NKAIN3: variants seen among roughly 807,000 people sequenced by gnomAD.
NKAIN3 encodes sodium/potassium-transporting ATPase subunit beta-1-interacting protein 3.
A neutral mutation model predicts 30.2 loss-of-function variants in NKAIN3; 25 were observed. That is an observed-to-expected ratio of 0.83 (90% confidence interval 0.60 to 1.16). The LOEUF (loss-of-function observed/expected upper bound fraction) is 1.16, where lower values mean the gene tolerates loss of function less well. NKAIN3 is among the 50% of genes most tolerant of loss of function. NKAIN3 has a pLI of 0.00. For missense variants in NKAIN3, 225 were observed against 254.1 expected, an observed-to-expected ratio of 0.89 and a Z score of 0.78; for synonymous variants, 91 against 89.6, an observed-to-expected ratio of 1.02 and a Z score of -0.09.
At chr8:62,606,103 CGA>C (rs1811118057) in intron 3 of NKAIN3, among the ~76,000 whole-genome samples, 1 of 152,020 alleles carries the variant, frequency 6.6e-6, no homozygotes, top group Non-Finnish European at 1.5e-5. Flanking sequence ...AAATGTGCGT[CGA>C]TCCACCATCT....
intron 1 of NKAIN3, among the ~76,000 whole-genome samples, chr8:62,500,936 G>T (rs1807430322): frequency 6.6e-6 from 1 of 152,102 alleles, no homozygotes; most frequent in Admixed American, 6.6e-5. Context: ...CATCATAACG[G>T]GGATTGCTAG....
chr8:62,398,109 A>T (rs910478202), intron 1 of NKAIN3, among the ~76,000 whole-genome samples: 17 of 152,104 alleles, frequency 1.1e-4, no homozygotes, highest in African/African-American at 3.4e-4. Context: ...GGCTGAGGAG[A>T]TGAACGAGGA....
intron 3 of NKAIN3, among the ~76,000 whole-genome samples, chr8:62,735,576 G>A (rs945505388): frequency 3.3e-5 from 5 of 151,704 alleles, no homozygotes; most frequent in African/African-American, 1.2e-4. Context: ...TCTTTAAGTT[G>A]GCATTCACCT....
intron 4 of NKAIN3, among the ~76,000 whole-genome samples, chr8:62,903,910 G>A (rs1321289711): frequency 6.6e-6 from 1 of 152,068 alleles, no homozygotes; most frequent in Non-Finnish European, 1.5e-5. Context: ...GAATGGCATG[G>A]GGGAAACCAC....
At chr8:62,900,944 G>A (rs1821596075) in intron 4 of NKAIN3, among the ~76,000 whole-genome samples, 1 of 152,104 alleles carries the variant, frequency 6.6e-6, no homozygotes, top group Non-Finnish European at 1.5e-5. Context: ...TCAGAGCAAC[G>A]CTGTTGGCAA....
intron 4 of NKAIN3, among the ~76,000 whole-genome samples, chr8:62,879,249 T>G (rs899260662): frequency 2.6e-4 from 40 of 152,116 alleles, no homozygotes; most frequent in Non-Finnish European, 2.9e-5. Flanking sequence ...GATTTGCATT[T>G]CTTTGATGGC....
chr8:62,895,304 A>G (rs955016383), intron 4 of NKAIN3, among the ~76,000 whole-genome samples: 42 of 152,332 alleles, frequency 2.8e-4, no homozygotes, highest in African/African-American at 9.6e-4. Context: ...TTCCTCTAAA[A>G]GATAGGCTCT....
chr8:62,753,852 A>G (rs1816363802), intron 4 of NKAIN3, among the ~76,000 whole-genome samples: 1 of 152,132 alleles, frequency 6.6e-6, no homozygotes, highest in Non-Finnish European at 1.5e-5. Flanking sequence ...AAATCTGGAT[A>G]TGTATAAATA....
At chr8:62,786,905 T>C (rs992308945) in intron 4 of NKAIN3, among the ~76,000 whole-genome samples, 2 of 152,132 alleles carry the variant, frequency 1.3e-5, no homozygotes, top group African/African-American at 4.8e-5. Context: ...ATTGTAAGCA[T>C]ATGTTTCAGT....
At chr8:62,502,092 C>G (rs929832361) in intron 1 of NKAIN3, among the ~76,000 whole-genome samples, 1 of 152,086 alleles carries the variant, frequency 6.6e-6, no homozygotes, top group South Asian at 2.1e-4. Flanking sequence ...ATGACTCATC[C>G]CTTGCACTGT....
intron 1 of NKAIN3, among the ~76,000 whole-genome samples, chr8:62,269,873 A>G (rs1314162255): frequency 6.6e-6 from 1 of 152,188 alleles, no homozygotes; most frequent in Non-Finnish European, 1.5e-5. Context: ...TTTTATAGGA[A>G]GCCATAAAAA....
At chr8:62,356,916 C>T (rs1246475436) in intron 1 of NKAIN3, among the ~76,000 whole-genome samples, 4 of 151,974 alleles carry the variant, frequency 2.6e-5, no homozygotes, top group Non-Finnish European at 5.9e-5. Context: ...AGTTCGAGAC[C>T]AGCCTAGGCA....
intron 3 of NKAIN3, among the ~76,000 whole-genome samples, chr8:62,615,734 T>C (rs1468540985): frequency 6.6e-6 from 1 of 152,138 alleles, no homozygotes; most frequent in East Asian, 1.9e-4. Context: ...GGTCTGGTTT[T>C]CTTTTCTGCT....
chr8:62,766,886 G>A (rs564912424), intron 4 of NKAIN3, among the ~76,000 whole-genome samples: 1 of 152,176 alleles, frequency 6.6e-6, no homozygotes, highest in East Asian at 1.9e-4. Flanking sequence ...AGGTTCCCTT[G>A]GGGACAGAAT....
intron 1 of NKAIN3, among the ~76,000 whole-genome samples, chr8:62,309,664 T>A (rs180925572): frequency 1.3e-5 from 2 of 150,522 alleles, no homozygotes; most frequent in East Asian, 3.9e-4. Context: ...ATCTAGTGTG[T>A]GTTTCTATGA....
rs1823719021 is a variant in NKAIN3, at chr8:62,966,570, T to G, written c.*1163T>G. 1 of 176,360 alleles carries G rather than the reference T, an allele frequency of 5.7e-6. No homozygotes were observed. The highest frequency in any genetic ancestry group is 1.1e-5 in the Non-Finnish European group (1 of 90,200). 10.9% of individuals were successfully genotyped at this position (176,360 alleles called of 1,614,324 possible). On this transcript the variant is annotated 3_prime_UTR_variant, in exon 7 of 7. Coordinates refer to ENST00000623646, the MANE Select transcript of NKAIN3 (RefSeq NM_001304533.3). ...ATTTCCGTCACTTTAAAAAATTCCC[T>G]TATGCCCTCTTTCAGGCAATGCCTA... is the stretch of plus-strand genomic sequence containing the variant.
At position 62,578,855 on chromosome 8, in the gene NKAIN3, G is replaced by A. The variant is rs746307116; in HGVS notation, c.55-684G>A. ...AAAAATTTAAAACAATTGAACTCAT[G>A]GAGATAGAGAGTAGAATGATGGTTA... On this transcript the variant is annotated intron_variant, in intron 1 of 6. Transcript: ENST00000623646. 2.8e-4 allele frequency among the ~76,000 whole-genome samples: 43 copies of A among 152,046 alleles called. 1 individual carries two copies. In the Middle Eastern group the frequency reaches 0.01, roughly 36 times the overall value.
At chr8:62,712,734 C>T (rs7003752) in intron 3 of NKAIN3, among the ~76,000 whole-genome samples, 120,683 of 152,068 alleles carry the variant, frequency 0.79, 49,055 homozygotes, top group Non-Finnish European at 0.88. Flanking sequence ...CCCCTGAGTT[C>T]TGGCCAGGAG....
At chr8:62,258,977 A>G (rs1812346722) in intron 1 of NKAIN3, among the ~76,000 whole-genome samples, 1 of 152,204 alleles carries the variant, frequency 6.6e-6, no homozygotes, top group East Asian at 1.9e-4. Context: ...TGTACACTGC[A>G]CAAAGGTGTT....
Sources: allele counts gnomAD v4.1 joint callset (sites outside exome capture counted in the v4.1 genomes callset), GRCh38; gene constraint gnomAD v4.1.1; transcripts MANE v1.5; gene names NCBI Gene and HGNC (gene_info 2026-07-23, HGNC 2026-07-21).